The following UACA variants were observed in gnomAD, a reference collection of about 807,000 sequenced individuals.
UACA encodes the protein uveal autoantigen with coiled-coil domains and ankyrin repeats.
UACA carries 112 observed loss-of-function variants against 160.5 expected under a neutral mutation model. The observed-to-expected ratio is 0.70, with a 90% CI of 0.60 to 0.82. The LOEUF is 0.82. Ranked by LOEUF, UACA falls within the 40% of genes least tolerant of loss-of-function variation. The probability of loss-of-function intolerance (pLI) is 0.00; values close to 1 mark genes in which losing one functional copy is unlikely to be tolerated. For missense variants in UACA, 1,574 were observed against 1,614.6 expected (o/e 0.97, Z 0.43); for synonymous variants, 557 against 568.4 (o/e 0.98, Z 0.29).
chr15:70,762,978 G>C (rs1213007003), intron 1 of UACA, among the ~76,000 whole-genome samples: 2 of 141,956 alleles, frequency 1.4e-5, no homozygotes, highest in African/African-American at 5.6e-5. Flanking sequence ...GCCGGGAGAG[G>C]AGAGCGACGA....
Position 70,729,687 on chromosome 15 carries a change from C to T in UACA, c.79-30027G>A, listed in dbSNP as rs1465818824. Among the ~76,000 whole-genome samples the T allele has an allele frequency of 2.1e-5, 3 of 142,458 alleles. 1 individual carries two copies. The highest frequency in any genetic ancestry group is 8.9e-5 in the African/African-American group (3 of 33,882). 93.5% of individuals were successfully genotyped at this position (142,458 alleles called of 152,430 possible). ...AGCCAAGATGGCCGAATAGGAACAGCTCCGGTCTACAGCTCCCAGCGTGAG... is the reference window on the plus strand; with the variant it reads ...AGCCAAGATGGCCGAATAGGAACAGTTCCGGTCTACAGCTCCCAGCGTGAG... On this transcript the variant is annotated intron_variant, in intron 1 of 18. Transcript: ENST00000322954.
intron 1 of UACA, chr15:70,758,237 C>A (rs1381139349): frequency 6.6e-6 from 1 of 152,152 alleles, no homozygotes; most frequent in African/African-American, 2.4e-5. Context: ...TCTGAATAAA[C>A]TTGCTGCAGG....
At chr15:70,681,907 A>G (rs1421688035) in intron 9 of UACA, 1 of 152,234 alleles carries the variant, frequency 6.6e-6, no homozygotes, top group Non-Finnish European at 1.5e-5. Context: ...TAGCTTTCAG[A>G]TTCAGGTGAG....
At position 70,679,676 on chromosome 15, in the gene UACA, G is replaced by A. The variant is rs148156777; in HGVS notation, c.823C>T (p.Arg275Ter). The A allele has an allele frequency of 7.9e-5, 125 of 1,582,660 alleles. No individual in the cohort carries two copies. Among genetic ancestry groups the A allele is most frequent in the Non-Finnish European group, 9.4e-5 (110 of 1,164,186 alleles). The change falls in exon 10 of 19, where the codon CGA (arginine) becomes TGA (stop). Residue 275 changes from arginine (R) to a stop codon, truncating the protein, a stop_gained and splice_region_variant. Coordinates refer to ENST00000322954, the MANE Select transcript of UACA (RefSeq NM_018003.4). LOFTEE classifies it high-confidence loss of function. ...TCATCTTGCATGTGTGTCAAATTTC[G>A]CTTTGGTAAAACATAAGAAAACACG... ...LWKKGPSLQQ[R>*]NLTHMQDEVN...
Position 70,745,227 on chromosome 15 carries a change from C to T in UACA, c.78+18103G>A, listed in dbSNP as rs553190595. 1.4e-4 allele frequency among the ~76,000 whole-genome samples: 22 copies of T among 151,998 alleles called. No individual in the cohort carries two copies. In the South Asian group the frequency reaches 4.6e-3, roughly 32 times the overall value. ...CAGGCGGACCATGAGGTCAGGAGAT[C>T]AAGACCATCCTAGCTAACATGGTGA... is the stretch of plus-strand genomic sequence containing the variant. On this transcript the variant is annotated intron_variant, in intron 1 of 18. Coordinates refer to ENST00000322954, the MANE Select transcript of UACA (RefSeq NM_018003.4).
intron 16 of UACA, among the ~76,000 whole-genome samples, chr15:70,666,040 A>AGTTAT (rs1362992990): frequency 6.6e-6 from 1 of 152,232 alleles, no homozygotes; most frequent in African/African-American, 2.4e-5. Flanking sequence ...CCTGCTCATA[A>AGTTAT]AAACTGATTG....
intron 11 of UACA, among the ~76,000 whole-genome samples, chr15:70,677,793 C>T (rs372206033): frequency 4.5e-4 from 68 of 152,238 alleles, no homozygotes; most frequent in African/African-American, 1.6e-3. Flanking sequence ...CTCTGGAATG[C>T]CCTCTGATTC....
At chr15:70,670,329 G>T (rs986263667) in intron 15 of UACA, among the ~76,000 whole-genome samples, 1 of 152,130 alleles carries the variant, frequency 6.6e-6, no homozygotes, top group Admixed American at 6.5e-5. Context: ...TATGCATGCA[G>T]ATAGCCTGCC....
At chr15:70,758,690 C>G (rs902762678) in intron 1 of UACA, 2 of 152,104 alleles carry the variant, frequency 1.3e-5, no homozygotes, top group Admixed American at 1.3e-4. Flanking sequence ...ATTTGTAACT[C>G]TAAATTCTTT....
At chr15:70,671,866 T>C (rs931582082) in intron 14 of UACA, 99 bp downstream of exon 14, 3 of 993,136 alleles carry the variant, frequency 3.0e-6, no homozygotes, top group African/African-American at 3.3e-5. Context: ...CAGGAATATC[T>C]TGTACAGTTA....
chr15:70,774,698 C>T, the UACA span, among the ~76,000 whole-genome samples: 1 of 151,866 alleles, frequency 6.6e-6, no homozygotes, highest in South Asian at 2.1e-4. Flanking sequence ...AAATAGTTTG[C>T]CCATATAGAA....
intron 8 of UACA, among the ~76,000 whole-genome samples, chr15:70,683,748 G>A (rs1389505810): frequency 1.3e-5 from 2 of 151,916 alleles, no homozygotes; most frequent in African/African-American, 4.8e-5. Flanking sequence ...AATGGGAAAA[G>A]ACTAGAAGGA....
At chr15:70,670,429 G>A (rs1390858206) in intron 15 of UACA, among the ~76,000 whole-genome samples, 1 of 152,118 alleles carries the variant, frequency 6.6e-6, no homozygotes, top group Non-Finnish European at 1.5e-5. Context: ...ACAGGGTACT[G>A]GGATCTCTCA....
rs1236184502 is a variant in UACA, at chr15:70,668,152, G to C, written c.2532C>G (p.Leu844=). The C allele has an allele frequency of 6.2e-7, 1 of 1,613,216 alleles. No individual in the cohort carries two copies. The highest frequency in any genetic ancestry group is 8.5e-7 in the Non-Finnish European group (1 of 1,179,832). The change falls in exon 16 of 19, where the codon CTC becomes CTG. Residue 844 remains leucine (L), a synonymous_variant. Transcript: ENST00000322954. ...TCTTCAAGTTAGTGTTTTCAGATGT[G>C]AGAGCGTGTATTTTCTCCTGGTCTT... The part of the protein sequence containing the change: ...CGEDQEKIHA[L]TSENTNLKKM...
the UACA span, among the ~76,000 whole-genome samples, chr15:70,773,190 A>T: frequency 6.6e-6 from 1 of 152,198 alleles, no homozygotes; most frequent in Non-Finnish European, 1.5e-5. Flanking sequence ...TTCAAAGATC[A>T]ACCCTACCAA....
chr15:70,668,208 G>A lies in UACA; in HGVS notation c.2476C>T (p.Gln826Ter), dbSNP rs766207502. 5 of 1,611,932 alleles carry A rather than the reference G, an allele frequency of 3.1e-6. No homozygotes were observed. The highest frequency in any genetic ancestry group is 1.7e-5 in the Admixed American group (1 of 59,688). Residue 826 changes from glutamine to a stop codon, truncating the protein, a stop_gained, in exon 16 of 19, where the codon CAG (glutamine) becomes TAG (stop). Coordinates refer to ENST00000322954, the MANE Select transcript of UACA (RefSeq NM_018003.4). LOFTEE classifies it high-confidence loss of function. ...LKSNIVELKK[Q>*]LSELKKKCGE... ...CATTTTTTCTTAAGTTCAGACAGCTGTTTCTTAAGTTCAACAATATTGGAT... is the reference window on the plus strand; with the variant it reads ...CATTTTTTCTTAAGTTCAGACAGCTATTTCTTAAGTTCAACAATATTGGAT...
chr15:70,763,249 G>A (rs1008411798), intron 1 of UACA, 81 bp downstream of exon 1: 34 of 1,270,754 alleles, frequency 2.7e-5, no homozygotes, highest in Middle Eastern at 3.1e-4. Flanking sequence ...GCAGAGGAAG[G>A]CGGCGCGCGA....
chr15:70,763,851 C>T (rs183490552), upstream of UACA, among the ~76,000 whole-genome samples: 29 of 152,340 alleles, frequency 1.9e-4, no homozygotes, highest in East Asian at 5.0e-3. Context: ...CCTTTGCCAC[C>T]TCTCATCTTC....
chr15:70,686,957 C>T (rs1487425522), intron 7 of UACA, among the ~76,000 whole-genome samples: 1 of 152,066 alleles, frequency 6.6e-6, no homozygotes, highest in Non-Finnish European at 1.5e-5. Context: ...ATTATTAGAG[C>T]ACACCAACTA....
Sources: gnomAD v4.1 joint callset for allele counts (sites outside exome capture counted in the v4.1 genomes callset) on GRCh38, gnomAD v4.1.1 for gene constraint, MANE v1.5 for transcripts, NCBI Gene and HGNC (gene_info 2026-07-23, HGNC 2026-07-21) for gene names.